NTRK3: variants seen among roughly 807,000 people sequenced by gnomAD.
The protein encoded by NTRK3 is neurotrophic receptor tyrosine kinase 3, also known as NT-3 growth factor receptor.
A neutral mutation model predicts 91.7 loss-of-function variants in NTRK3; 24 were observed. The observed-to-expected ratio is 0.26, with a 90% CI of 0.19 to 0.37. The LOEUF (loss-of-function observed/expected upper bound fraction) is 0.37, where lower values mean the gene tolerates loss of function less well. Ranked by LOEUF, NTRK3 falls within the 10% of genes least tolerant of loss-of-function variation. The probability of loss-of-function intolerance (pLI) is 1.00; values close to 1 mark genes in which losing one functional copy is unlikely to be tolerated. For missense variants in NTRK3, 880 were observed against 1,068.9 expected, an observed-to-expected ratio of 0.82 and a Z score of 2.46; for synonymous variants, 483 against 404.0, an observed-to-expected ratio of 1.20 and a Z score of -2.34.
chr15:88,049,518 C>T (rs544571707), intron 13 of NTRK3, among the ~76,000 whole-genome samples: 25 of 152,114 alleles, frequency 1.6e-4, no homozygotes, highest in Non-Finnish European at 3.2e-4. Context: ...TTAGCTGATC[C>T]TGACACTGAC....
chr15:88,213,775 TTAAG>T (rs1448089525), intron 3 of NTRK3, among the ~76,000 whole-genome samples: 1 of 152,030 alleles, frequency 6.6e-6, no homozygotes, highest in African/African-American at 2.4e-5. Context: ...GTCACACAGC[TTAAG>T]TAAGATTTGA....
chr15:87,923,242 T>A (rs914547343), intron 17 of NTRK3, among the ~76,000 whole-genome samples: 1 of 152,234 alleles, frequency 6.6e-6, no homozygotes, highest in South Asian at 2.1e-4. Context: ...GACACAGCTA[T>A]GTTCCATTTC....
intron 13 of NTRK3, among the ~76,000 whole-genome samples, chr15:88,082,499 T>C (rs1343190231): frequency 6.6e-6 from 1 of 152,130 alleles, no homozygotes; most frequent in African/African-American, 2.4e-5. Flanking sequence ...CCCAAGAAAG[T>C]TCTCTCATGC....
intron 3 of NTRK3, among the ~76,000 whole-genome samples, chr15:88,196,511 A>G (rs1462124833): frequency 6.6e-6 from 1 of 152,218 alleles, no homozygotes; most frequent in Non-Finnish European, 1.5e-5. Context: ...AGGAACACCT[A>G]CTTACATCTG....
intron 14 of NTRK3, among the ~76,000 whole-genome samples, chr15:87,994,291 C>T (rs555076158): frequency 6.6e-6 from 1 of 152,270 alleles, no homozygotes; most frequent in Non-Finnish European, 1.5e-5. Context: ...ATATTGTCAC[C>T]TTATTTGAAA....
At chr15:87,890,037 A>G (rs1217751172) in intron 17 of NTRK3, among the ~76,000 whole-genome samples, 2 of 151,566 alleles carry the variant, frequency 1.3e-5, no homozygotes, top group Non-Finnish European at 2.9e-5. Context: ...AAGTCTGTTT[A>G]TTTCACTGTA....
In NTRK3 at chr15:88,255,916, T is replaced by C. The variant is rs1357478879; in HGVS notation, c.238A>G (p.Ile80Val). Residue 80 changes from isoleucine (I) to valine (V), a missense_variant, in exon 3 of 19, where the codon ATC becomes GTC. Physicochemically the swap from Ile to Val is conservative, Grantham distance 29. Around this residue, in one of 3 missense-constraint regions of NTRK3, gnomAD observed 743 missense variants for 868.6 expected, o/e 0.86. Coordinates refer to ENST00000394480, the Ensembl canonical transcript of NTRK3. This position sits in a 1 kb window ranked among gnomAD's most constrained non-coding sequence, Gnocchi z 4.3. Reference sequence around the variant, plus strand: ...GGCCGCCTGACTTACATGGAAGTGATATTCCTTGAGATGTCCGTGATGTTG... The same window carrying C: ...GGCCGCCTGACTTACATGGAAGTGACATTCCTTGAGATGTCCGTGATGTTG... The C allele has an allele frequency of 6.2e-7, 1 of 1,610,618 alleles. No homozygotes were observed. The highest frequency in any genetic ancestry group is 1.1e-5 in the South Asian group (1 of 90,874).
At chr15:87,877,334 T>C (rs2064995421) in intron 18 of NTRK3, among the ~76,000 whole-genome samples, 1 of 152,200 alleles carries the variant, frequency 6.6e-6, no homozygotes, top group African/African-American at 2.4e-5. Flanking sequence ...TGGAGTCCTC[T>C]GCTGCCCTTC....
chr15:88,072,074 C>T (rs1450209806), intron 13 of NTRK3, among the ~76,000 whole-genome samples: 2 of 146,002 alleles, frequency 1.4e-5, no homozygotes, highest in Non-Finnish European at 3.0e-5. Context: ...GGTGTGATCT[C>T]GGCTCCCTGT....
At chr15:88,253,875 C>G (rs1379422110) in intron 3 of NTRK3, among the ~76,000 whole-genome samples, 1 of 152,204 alleles carries the variant, frequency 6.6e-6, no homozygotes, top group African/African-American at 2.4e-5. Flanking sequence ...CATCACAGAC[C>G]TTTCTGGCAG....
intron 13 of NTRK3, among the ~76,000 whole-genome samples, chr15:88,095,587 G>A (rs2049502932): frequency 2.0e-5 from 3 of 152,128 alleles, no homozygotes; most frequent in Non-Finnish European, 4.4e-5. Context: ...CATCAAATCT[G>A]CAAATATAAA....
At chr15:88,107,092 A>AT (rs954746227) in intron 13 of NTRK3, among the ~76,000 whole-genome samples, 1 of 152,118 alleles carries the variant, frequency 6.6e-6, no homozygotes, top group East Asian at 1.9e-4. Flanking sequence ...ATTACCACTA[A>AT]TTTTTTATAC....
At position 88,162,360 on chromosome 15, in the gene NTRK3, C is replaced by T. The variant is rs147990945; in HGVS notation, c.396-14957G>A. On this transcript the variant is annotated intron_variant, in intron 5 of 18. Coordinates refer to ENST00000394480, the Ensembl canonical transcript of NTRK3. Reference sequence around the variant, plus strand: ...CACACAGTGCCCACCACATGGTAGGCACTCAATGGAAATGAATTAATATTG... The same window carrying T: ...CACACAGTGCCCACCACATGGTAGGTACTCAATGGAAATGAATTAATATTG... Among the ~76,000 whole-genome samples, 11 of 152,264 alleles carry T rather than the reference C, an allele frequency of 7.2e-5. No individual in the cohort carries two copies. The East Asian group carries it at 1.9e-3, about 27-fold the overall frequency.
chr15:88,109,815 A>G (rs2051133482), intron 13 of NTRK3, among the ~76,000 whole-genome samples: 2 of 152,294 alleles, frequency 1.3e-5, no homozygotes, highest in Middle Eastern at 3.4e-3. Flanking sequence ...ATTCTACCAT[A>G]AAACCAAGTG....
intron 3 of NTRK3, among the ~76,000 whole-genome samples, chr15:88,225,130 C>G (rs1299160076): frequency 6.6e-6 from 1 of 152,068 alleles, no homozygotes; most frequent in East Asian, 1.9e-4. Context: ...ACCCCTGGGC[C>G]AGAGGGTGAT....
chr15:88,024,793 A>G (rs2077886790), intron 14 of NTRK3, among the ~76,000 whole-genome samples: 1 of 152,242 alleles, frequency 6.6e-6, no homozygotes, highest in Non-Finnish European at 1.5e-5. Context: ...GGTGGGGTTC[A>G]GGGCTGACAT....
At chr15:88,188,471 G>A (rs569358464) in intron 3 of NTRK3, among the ~76,000 whole-genome samples, 2 of 152,282 alleles carry the variant, frequency 1.3e-5, no homozygotes, top group East Asian at 1.9e-4. Flanking sequence ...AGCCCCCACC[G>A]CTAAGAATCA....
At chr15:88,218,147 A>G (rs551262856) in intron 3 of NTRK3, among the ~76,000 whole-genome samples, 1 of 152,268 alleles carries the variant, frequency 6.6e-6, no homozygotes, top group South Asian at 2.1e-4. Context: ...TTTCTAGTCT[A>G]GCCTGACTAC....
intron 10 of NTRK3, among the ~76,000 whole-genome samples, chr15:88,129,480 A>G (rs755271928): frequency 2.0e-4 from 30 of 152,342 alleles, no homozygotes; most frequent in South Asian, 4.1e-4. Flanking sequence ...ATTAGAGCTG[A>G]ATTCAAATCT....
Sources: gnomAD v4.1 joint callset for allele counts (sites outside exome capture counted in the v4.1 genomes callset) on GRCh38, gnomAD v4.1.1 for gene constraint, gnomAD v4.1.1 regional missense constraint, Gnocchi (gnomAD v3.1) non-coding constraint, MANE v1.5 for transcripts, NCBI Gene and HGNC (gene_info 2026-07-23, HGNC 2026-07-21) for gene names.